GCNT2: variants seen among roughly 807,000 people sequenced by gnomAD.
The protein encoded by GCNT2 is N-acetyllactosaminide beta-1,6-N-acetylglucosaminyl-transferase.
In GCNT2, 34 loss-of-function variants were observed where a neutral mutation model predicts 34.2. That is an observed-to-expected ratio of 1.00 (90% CI 0.76 to 1.32). The LOEUF is 1.32. Ranked by LOEUF, GCNT2 falls within the 40% of genes most tolerant of loss-of-function variation. The probability of loss-of-function intolerance (pLI) is 0.00; values close to 1 mark genes in which losing one functional copy is unlikely to be tolerated. For missense variants in GCNT2, 584 were observed against 489.4 expected (o/e 1.19, Z -1.82); for synonymous variants, 212 against 188.0 (o/e 1.13, Z -1.04).
chr6:10,536,231 GA>G (rs1212629330), intron 3 of GCNT2, among the ~76,000 whole-genome samples: 2 of 152,204 alleles, frequency 1.3e-5, no homozygotes, highest in African/African-American at 4.8e-5. Context: ...CGAGCACACA[GA>G]GCTTCTGAGA....
chr6:10,619,307 C>T (rs1765929390), intron 3 of GCNT2: 1 of 151,764 alleles, frequency 6.6e-6, no homozygotes, highest in South Asian at 2.1e-4. Context: ...TCAGCCTCCC[C>T]AGTAGCTGGG....
chr6:10,532,530 G>T (rs1378023945), intron 3 of GCNT2, among the ~76,000 whole-genome samples: 2 of 152,180 alleles, frequency 1.3e-5, no homozygotes, highest in African/African-American at 4.8e-5. Context: ...AAAGTGCTGG[G>T]ATTACAGGTG....
At chr6:10,599,350 A>G (rs1415937248) in intron 3 of GCNT2, among the ~76,000 whole-genome samples, 2 of 152,228 alleles carry the variant, frequency 1.3e-5, no homozygotes, top group Non-Finnish European at 2.9e-5. Flanking sequence ...AAACCTAACA[A>G]TTCCCAAATA....
chr6:10,624,131 G>C (rs917321422), intron 4 of GCNT2, among the ~76,000 whole-genome samples: 12 of 152,042 alleles, frequency 7.9e-5, no homozygotes, highest in Non-Finnish European at 1.8e-4. Context: ...TTATCCTTTT[G>C]TTTACCTCAT....
chr6:10,578,085 C>T (rs957505528), intron 3 of GCNT2, among the ~76,000 whole-genome samples: 1 of 151,988 alleles, frequency 6.6e-6, no homozygotes, highest in Non-Finnish European at 1.5e-5. Flanking sequence ...CTGCTATTTT[C>T]AGTGGTAAAG....
intron 3 of GCNT2, chr6:10,556,653 C>T (rs1241065351): frequency 6.2e-7 from 1 of 1,614,098 alleles, no homozygotes; most frequent in South Asian, 1.1e-5. Flanking sequence ...GAATACTTGA[C>T]CCAGAGCCAC....
At chr6:10,523,478 C>CT (rs1761026784) in intron 1 of GCNT2, among the ~76,000 whole-genome samples, 1 of 151,186 alleles carries the variant, frequency 6.6e-6, no homozygotes, top group Non-Finnish European at 1.5e-5. Context: ...TTTCCTATTA[C>CT]TTTTTTTCCC....
At chr6:10,569,343 G>C (rs1223328519) in intron 3 of GCNT2, among the ~76,000 whole-genome samples, 1 of 151,188 alleles carries the variant, frequency 6.6e-6, no homozygotes, top group Non-Finnish European at 1.5e-5. Flanking sequence ...TGTTTTCTGA[G>C]ACAGGGTCTC....
intron 3 of GCNT2, among the ~76,000 whole-genome samples, chr6:10,578,974 A>G (rs1763948885): frequency 6.6e-6 from 1 of 152,196 alleles, no homozygotes; most frequent in South Asian, 2.1e-4. Flanking sequence ...GAGAAAGTTA[A>G]GCTTATCTTC....
At chr6:10,531,159 A>G (rs1761469352) in intron 3 of GCNT2, among the ~76,000 whole-genome samples, 1 of 152,164 alleles carries the variant, frequency 6.6e-6, no homozygotes, top group South Asian at 2.1e-4. Flanking sequence ...ACCAATTATA[A>G]ACCAGGTCTC....
rs1761334854 is a variant in GCNT2 at position 10,528,991 on chromosome 6, A to T, written c.80A>T (p.Glu27Val). The change falls in exon 3 of 5, where the codon GAG becomes GTG. Residue 27 changes from glutamate to valine, a missense_variant. Coordinates refer to ENST00000495262, the MANE Select transcript of GCNT2 (RefSeq NM_145649.5). ...ALIFVFVYNT[E>V]LWENKRFLRA... Reference sequence around the variant, plus strand: ...ATTTTTGTATTTGTTTACAATACTGAGTTATGGGAGAATAAACGTTTTCTG... The same window carrying T: ...ATTTTTGTATTTGTTTACAATACTGTGTTATGGGAGAATAAACGTTTTCTG... 1 of 1,613,708 alleles carries T rather than the reference A, an allele frequency of 6.2e-7. No homozygotes were observed. Among genetic ancestry groups the T allele is most frequent in the African/African-American group, 1.3e-5 (1 of 74,918 alleles).
chr6:10,597,187 A>G (rs1420392677), intron 3 of GCNT2, among the ~76,000 whole-genome samples: 1 of 118,630 alleles, frequency 8.4e-6, no homozygotes, highest in Non-Finnish European at 1.7e-5. Context: ...ACACGATCTT[A>G]CTCTATCACC....
chr6:10,567,688 C>T (rs570696438), intron 3 of GCNT2, among the ~76,000 whole-genome samples: 1 of 152,282 alleles, frequency 6.6e-6, no homozygotes. Context: ...TACTTCTAAT[C>T]CAGTCCTCTG....
At chr6:10,586,850 A>C in intron 3 of GCNT2, 1 of 1,613,426 alleles carries the variant, frequency 6.2e-7, no homozygotes. Context: ...TTGATCTACT[A>C]CAATGGTCAA....
intron 3 of GCNT2, among the ~76,000 whole-genome samples, chr6:10,534,141 CTTTTT>C (rs1224219034): frequency 1.7e-5 from 2 of 120,266 alleles, no homozygotes; most frequent in African/African-American, 5.9e-5. Flanking sequence ...CCATGCTGCT[CTTTTT>C]TTTTTTTTTT....
intron 1 of GCNT2, among the ~76,000 whole-genome samples, chr6:10,523,196 C>T (rs1411336137): frequency 2.0e-5 from 3 of 152,116 alleles, no homozygotes; most frequent in South Asian, 2.1e-4. Context: ...CCGAGTCAGG[C>T]GGATCACCTG....
At chr6:10,617,900 G>A (rs931736169) in intron 3 of GCNT2, among the ~76,000 whole-genome samples, 12 of 151,820 alleles carry the variant, frequency 7.9e-5, no homozygotes, top group African/African-American at 2.9e-4. Flanking sequence ...GACTACAGGT[G>A]CGTGCCATCA....
At chr6:10,623,292 A>ATT (rs35557936) in intron 4 of GCNT2, among the ~76,000 whole-genome samples, 3 of 139,598 alleles carry the variant, frequency 2.1e-5, no homozygotes, top group African/African-American at 2.6e-5. Context: ...TGCCTACATT[A>ATT]TTTTTTTTTT....
At chr6:10,544,487 C>A (rs1251171492) in intron 3 of GCNT2, among the ~76,000 whole-genome samples, 1 of 150,048 alleles carries the variant, frequency 6.7e-6, no homozygotes, top group East Asian at 1.9e-4. Context: ...TGCCTATAAT[C>A]CCAGCTACTC....
Sources: gnomAD v4.1 joint callset for allele counts (sites outside exome capture counted in the v4.1 genomes callset) on GRCh38, gnomAD v4.1.1 for gene constraint, MANE v1.5 for transcripts, NCBI Gene and HGNC (gene_info 2026-07-23, HGNC 2026-07-21) for gene names.